The following THBS4 variants were observed in gnomAD, a reference collection of about 807,000 sequenced individuals.
THBS4 encodes the protein thrombospondin-4.
In THBS4, 90 loss-of-function variants were observed where a neutral mutation model predicts 115.7. That is an observed-to-expected ratio of 0.78 (90% CI 0.66 to 0.93). The LOEUF (loss-of-function observed/expected upper bound fraction) is 0.93, where lower values mean the gene tolerates loss of function less well. THBS4 is among the 40% of genes least tolerant of loss of function. THBS4 has a pLI of 0.00. For missense variants in THBS4, 1,087 were observed against 1,232.7 expected (o/e 0.88, Z 1.77); for synonymous variants, 460 against 479.3 (o/e 0.96, Z 0.53).
intron 3 of THBS4, among the ~76,000 whole-genome samples, chr5:80,057,115 A>G (rs905303103): frequency 6.6e-6 from 1 of 152,198 alleles, no homozygotes; most frequent in Non-Finnish European, 1.5e-5. Flanking sequence ...ATATGGAAAA[A>G]AATTAATAGA....
At chr5:80,008,151 T>C (rs538414129) in intron 2 of THBS4, among the ~76,000 whole-genome samples, 4 of 152,366 alleles carry the variant, frequency 2.6e-5, no homozygotes, top group Middle Eastern at 6.8e-3. Flanking sequence ...ATAGTAATAC[T>C]ATCTTTCTGA....
chr5:80,068,475 C>T (rs943085479), intron 10 of THBS4: 35 of 263,216 alleles, frequency 1.3e-4, no homozygotes, highest in Non-Finnish European at 7.4e-5. Flanking sequence ...CCCTTTCCTT[C>T]TTCTGCCCCA....
At chr5:80,068,415 A>C in intron 10 of THBS4, 1 of 352,706 alleles carries the variant, frequency 2.8e-6, no homozygotes, top group Non-Finnish European at 5.3e-6. Flanking sequence ...AGCACCTTCT[A>C]TGGAAAGGCC....
intron 21 of THBS4, 99 bp downstream of exon 21, chr5:80,082,644 C>A: frequency 1.4e-6 from 2 of 1,440,796 alleles, no homozygotes; most frequent in South Asian, 1.3e-5. Context: ...AAGCCCAACG[C>A]TCATACCACA....
intron 2 of THBS4, 139 bp downstream of exon 2, chr5:80,040,419 C>A (rs149738326): frequency 2.5e-4 from 117 of 474,552 alleles, no homozygotes; most frequent in African/African-American, 2.4e-3. Flanking sequence ...ATACTGAATT[C>A]TTCTTACTGT....
chr5:80,031,466 T>C (rs149164671), upstream of THBS4, among the ~76,000 whole-genome samples: 58 of 152,372 alleles, frequency 3.8e-4, no homozygotes, highest in East Asian at 9.8e-3. Context: ...ATTGCTACAA[T>C]ATTGTTACAT....
rs535853834 is a variant in THBS4, at chr5:80,036,188, AG to A, written c.88+566del. ...GTCTTAATTTCTGAGGTAAATAGGA[AG>A]GGCTGAGAAACTGGTCTTTTTCAAT... On this transcript the variant is annotated intron_variant, in intron 1 of 21. Coordinates refer to ENST00000350881, the MANE Select transcript of THBS4 (RefSeq NM_003248.6). 2.7e-4 allele frequency: 262 copies of A among 985,478 alleles called. No homozygotes were observed. In the African/African-American group the frequency reaches 4.3e-3, roughly 16 times the overall value. 61.0% of individuals were successfully genotyped at this position (985,478 alleles called of 1,614,324 possible).
intron 1 of THBS4, chr5:79,991,451 T>C (rs1831670845): frequency 2.1e-6 from 1 of 474,530 alleles, no homozygotes. Flanking sequence ...CACCAGTAAT[T>C]CTTCAAATAT....
chr5:80,022,498 T>A (rs1347715060), intron 2 of THBS4, among the ~76,000 whole-genome samples: 1 of 152,104 alleles, frequency 6.6e-6, no homozygotes, highest in Non-Finnish European at 1.5e-5. Context: ...GAAAAAAAAA[T>A]TCTTTACCAT....
At chr5:80,020,369 G>A (rs996123791) in intron 2 of THBS4, among the ~76,000 whole-genome samples, 2 of 152,170 alleles carry the variant, frequency 1.3e-5, no homozygotes, top group Non-Finnish European at 2.9e-5. Context: ...AACTACTCGG[G>A]AGGCTGAGGC....
intron 9 of THBS4, 147 bp from the exon 10 acceptor site, chr5:80,067,826 T>G (rs41272284): frequency 2.4e-6 from 2 of 850,180 alleles, no homozygotes; most frequent in Admixed American, 2.9e-5. Flanking sequence ...TGATCTTACA[T>G]GTAAGCAAAG....
rs558181397 is a variant in THBS4, at chr5:80,008,893, G to A, written n.177+10466G>A. On this transcript the variant is annotated intron_variant and non_coding_transcript_variant, in intron 2 of 3. Coordinates refer to the THBS4 transcript ENST00000510218. ...AAGCTTATTTATAAGTACAGTATAT[G>A]TATTAATATCTTAGTAGAAAACTAA... Among the ~76,000 whole-genome samples the A allele has an allele frequency of 7.1e-4, 108 of 152,266 alleles. 1 individual carries two copies. The highest frequency in any genetic ancestry group is 1.4e-3 in the Non-Finnish European group (95 of 68,018).
chr5:80,009,084 C>G (rs914497499), intron 2 of THBS4, among the ~76,000 whole-genome samples: 1 of 152,124 alleles, frequency 6.6e-6, no homozygotes, highest in Non-Finnish European at 1.5e-5. Context: ...TCTGTTTGCT[C>G]CAGCAGCTTT....
At chr5:80,059,147 T>G (rs1190987999) in intron 5 of THBS4, among the ~76,000 whole-genome samples, 2 of 151,962 alleles carry the variant, frequency 1.3e-5, no homozygotes, top group African/African-American at 4.8e-5. Context: ...CTGAACAACA[T>G]GGTGAAACCC....
chr5:80,076,984 C>T lies in THBS4; in HGVS notation c.2022C>T (p.Asp674=), dbSNP rs1743250028. 3 of 1,613,382 alleles carry T rather than the reference C, an allele frequency of 1.9e-6. No individual in the cohort carries two copies. Among genetic ancestry groups the T allele is most frequent in the African/African-American group, 1.3e-5 (1 of 74,874 alleles). Residue 674 remains aspartate (D), a synonymous_variant, in exon 16 of 22, where the codon GAC becomes GAT. Transcript: ENST00000350881. ...ATGATGACAATGATGGTATCCCAGA[C>T]CTGGTGCCCCCTGGACCAGACAACT... ...DDDDDNDGIP[D]LVPPGPDNCR... is the part of the protein sequence containing the mutation.
intron 1 of THBS4, among the ~76,000 whole-genome samples, chr5:80,038,633 G>T (rs1460590657): frequency 6.6e-6 from 1 of 152,162 alleles, no homozygotes; most frequent in East Asian, 1.9e-4. Context: ...CAGAGCTCAG[G>T]TTTACCTCTC....
rs150719741 is a variant in THBS4, at chr5:80,076,897, C to T, written c.1935C>T (p.Thr645=). 15 of 1,610,350 alleles carry T rather than the reference C, an allele frequency of 9.3e-6. No homozygotes were observed. Among genetic ancestry groups the T allele is most frequent in the East Asian group, 4.5e-5 (2 of 44,728 alleles). The change falls in exon 16 of 22, where the codon ACC becomes ACT. Residue 645 remains threonine (T), a synonymous_variant. Transcript: ENST00000350881. ...AGGACAGCACAGACAACTGCCCCAC[C>T]GTCATTAACAGTGCCCAGCTGGACA... is the stretch of plus-strand genomic sequence containing the variant. ...GHQDSTDNCP[T]VINSAQLDTD... is the part of the protein sequence containing the mutation.
intron 4 of THBS4, 66 bp downstream of exon 4, chr5:80,058,380 G>A: frequency 8.1e-7 from 1 of 1,231,980 alleles, no homozygotes; most frequent in East Asian, 2.6e-5. Context: ...GAATAGGCTG[G>A]GTCCCATCAC....
intron 12 of THBS4, 75 bp downstream of exon 12, chr5:80,070,825 A>G (rs1834020092): frequency 2.5e-6 from 4 of 1,570,216 alleles, no homozygotes; most frequent in African/African-American, 1.4e-5. Flanking sequence ...GATGTCAACT[A>G]TGTATATGAA....
Sources: allele counts gnomAD v4.1 joint callset (sites outside exome capture counted in the v4.1 genomes callset), GRCh38; gene constraint gnomAD v4.1.1; transcripts MANE v1.5; gene names NCBI Gene and HGNC (gene_info 2026-07-23, HGNC 2026-07-21).